The following RASA3 variants were observed in gnomAD, a reference collection of about 807,000 sequenced individuals.
RASA3 encodes RAS p21 protein activator 3.
RASA3 carries 73 observed loss-of-function variants against 110.0 expected under a neutral mutation model. The ratio of observed to expected loss-of-function variants is 0.66; its 90% CI spans 0.55 to 0.81. The LOEUF (loss-of-function observed/expected upper bound fraction) is 0.81, where lower values mean the gene tolerates loss of function less well. Among genes scored for constraint, RASA3 ranks in the 30% least tolerant of loss-of-function variants. The pLI is 0.00. For synonymous variants in RASA3, 500 were observed against 451.4 expected (o/e 1.11, Z -1.37); for missense variants, 976 against 1,113.2 (o/e 0.88, Z 1.75).
At chr13:114,033,449 G>A (rs12017309) in intron 4 of RASA3, among the ~76,000 whole-genome samples, 1,393 of 5,568 alleles carry the variant, frequency 0.25, 45 homozygotes, top group African/African-American at 0.41. Context: ...CACGCCCCAC[G>A]GCACCCCCAC....
At chr13:114,075,549 C>T (rs1448232026) in intron 1 of RASA3, among the ~76,000 whole-genome samples, 11 of 69,816 alleles carry the variant, frequency 1.6e-4, no homozygotes, top group Non-Finnish European at 2.4e-4. Context: ...GCCGGCAGGA[C>T]GAAGCCTCCC....
Position 114,013,180 on chromosome 13 carries a change from G to A in RASA3, c.1474C>T (p.Leu492Phe), listed in dbSNP as rs2053679105. ...GTGAGCTGGAAGAGGTTGGGGGAGAGAATGGCGGGCGCAAAGAACCTCAGG... is the reference window on the plus strand; with the variant it reads ...GTGAGCTGGAAGAGGTTGGGGGAGAAAATGGCGGGCGCAAAGAACCTCAGG... ...IFLRFFAPAILSPNLFQLTPH... is the reference protein window; with the variant it reads ...IFLRFFAPAIFSPNLFQLTPH... The change falls in exon 15 of 24, where the codon CTC (leucine) becomes TTC (phenylalanine). Residue 492 changes from leucine to phenylalanine, a missense_variant. Coordinates refer to ENST00000334062, the MANE Select transcript of RASA3 (RefSeq NM_007368.4). 3.7e-6 allele frequency: 6 copies of A among 1,613,498 alleles called. No individual in the cohort carries two copies. Among genetic ancestry groups the A allele is most frequent in the Non-Finnish European group, 4.2e-6 (5 of 1,179,770 alleles).
At chr13:113,995,534 C>T (rs1566452376) in intron 21 of RASA3, among the ~76,000 whole-genome samples, 1 of 152,212 alleles carries the variant, frequency 6.6e-6, no homozygotes, top group African/African-American at 2.4e-5. Context: ...CCGCCAGGCA[C>T]CCAGGCCTCC....
chr13:114,048,540 C>A lies in RASA3; in HGVS notation c.277+3512G>T, dbSNP rs549105999. 6.6e-6 allele frequency among the ~76,000 whole-genome samples: 1 copy of A among 152,198 alleles called. No homozygotes were observed. The highest frequency in any genetic ancestry group is 6.5e-5 in the Admixed American group (1 of 15,292). On this transcript the variant is annotated intron_variant, in intron 3 of 23. Coordinates refer to ENST00000334062, the MANE Select transcript of RASA3 (RefSeq NM_007368.4). The surrounding 1 kb of genome is among the most constrained non-coding windows in gnomAD (Gnocchi z 4.3). ...CCTGACAGCACCGAGCCGGGCCTCG[C>A]GCATTTCCGTGGTTCCCGCATCCCA...
rs529170928 is a variant in RASA3, at chr13:114,054,306, C to T, written c.174-2151G>A. 6.6e-5 allele frequency among the ~76,000 whole-genome samples: 10 copies of T among 152,304 alleles called. No homozygotes were observed. The East Asian group carries it at 1.3e-3, about 21-fold the overall frequency. ...GCAAAAGATTTGAACACACATATCA[C>T]CAAAGACAAATGGCCAACAATGTAT... On this transcript the variant is annotated intron_variant, in intron 2 of 23. Transcript: ENST00000334062.
chr13:114,092,528 CTT>C (rs1205353792), intron 1 of RASA3, among the ~76,000 whole-genome samples: 1 of 152,048 alleles, frequency 6.6e-6, no homozygotes, highest in Non-Finnish European at 1.5e-5. Context: ...AGAAAAGAGA[CTT>C]GATATAATTT....
At chr13:114,091,222 CCCT>C (rs2079886689) in intron 1 of RASA3, among the ~76,000 whole-genome samples, 1 of 151,956 alleles carries the variant, frequency 6.6e-6, no homozygotes, top group Non-Finnish European at 1.5e-5. Context: ...ACATGGGTCC[CCCT>C]CCACTGTCAT....
intron 2 of RASA3, among the ~76,000 whole-genome samples, chr13:114,068,765 G>C (rs2079501411): frequency 6.6e-6 from 1 of 152,204 alleles, no homozygotes; most frequent in Non-Finnish European, 1.5e-5. Flanking sequence ...TATGGATTGT[G>C]AACACAGTTC....
In RASA3 at chr13:114,013,541, CCTCT is replaced by C. The variant is rs200489109; in HGVS notation, c.1406-297_1406-294del. Among the ~76,000 whole-genome samples the C allele has an allele frequency of 4.9e-3, 723 of 147,018 alleles. 2 individuals carry two copies. The highest frequency in any genetic ancestry group is 0.014 in the African/African-American group (567 of 39,254). On this transcript the variant is annotated intron_variant, in intron 14 of 23. Coordinates refer to ENST00000334062, the MANE Select transcript of RASA3 (RefSeq NM_007368.4). ...TCTCTCTCATCTCTCTGTCTCTCTC[CCTCT>C]CTTTGTCCCTCTGTCTCTCTCCCTA... is the stretch of plus-strand genomic sequence containing the variant.
chr13:113,981,830 G>T lies in RASA3; in HGVS notation c.2274C>A (p.Asp758Glu). The change falls in exon 23 of 24, where the codon GAC becomes GAA. Residue 758 changes from aspartate to glutamate, a missense_variant. By Grantham distance (45) the Asp-to-Glu change is conservative. Coordinates refer to ENST00000334062, the MANE Select transcript of RASA3 (RefSeq NM_007368.4). ...TCGAATACTCCTCCTGCTCCGGGCC[G>T]TCATACACAGATTTGCTCCCACAGG... ...QEACGSKSVY[D>E]GPEQEEYSTF... The T allele has an allele frequency of 6.2e-7, 1 of 1,613,814 alleles. No homozygotes were observed.
chr13:114,008,598 C>G (rs1178378953), intron 17 of RASA3, among the ~76,000 whole-genome samples: 1 of 29,538 alleles, frequency 3.4e-5, no homozygotes, highest in Non-Finnish European at 5.7e-5. Context: ...CAGAGCCCTG[C>G]GGTCTGGACG....
chr13:114,046,098 C>T (rs1328926950), intron 3 of RASA3, among the ~76,000 whole-genome samples: 9 of 152,160 alleles, frequency 5.9e-5, no homozygotes, highest in Admixed American at 5.9e-4. Flanking sequence ...TATGGCAATT[C>T]AAAGCATCTA....
At position 113,981,774 on chromosome 13, in the gene RASA3, T is replaced by C; in HGVS notation, c.2330A>G (p.Tyr777Cys). The change falls in exon 23 of 24, where the codon TAC becomes TGC. Residue 777 changes from tyrosine (Y) to cysteine (C), a missense_variant. Physicochemically the swap from Tyr to Cys is radical, Grantham distance 194. Around this residue, in one of 4 missense-constraint regions of RASA3, gnomAD observed 132 missense variants for 152.8 expected, o/e 0.86. Coordinates refer to ENST00000334062, the MANE Select transcript of RASA3 (RefSeq NM_007368.4). ...TFVIDDPQET[Y>C]KTLKQVIAGV... ...AGCGATGACTTGCTTTAGCGTCTTG[T>C]AGGTCTCCTGGGGGTCGTCAATGAC... is the stretch of plus-strand genomic sequence containing the variant. The C allele has an allele frequency of 6.2e-7, 1 of 1,614,126 alleles. No homozygotes were observed. Among genetic ancestry groups the C allele is most frequent in the Non-Finnish European group, 8.5e-7 (1 of 1,179,992 alleles).
intron 21 of RASA3, among the ~76,000 whole-genome samples, chr13:113,994,612 G>A (rs549863873): frequency 6.6e-6 from 1 of 152,040 alleles, no homozygotes; most frequent in African/African-American, 2.4e-5. Context: ...CACCACCCTG[G>A]GCAACATGGA....
At chr13:114,024,691 C>T (rs559742742) in intron 7 of RASA3, among the ~76,000 whole-genome samples, 12 of 152,348 alleles carry the variant, frequency 7.9e-5, no homozygotes, top group African/African-American at 2.4e-4. Context: ...CCTGCCACCC[C>T]GTGAGGGAGG....
At chr13:114,102,242 G>A (rs562446393) in intron 1 of RASA3, among the ~76,000 whole-genome samples, 10 of 151,860 alleles carry the variant, frequency 6.6e-5, no homozygotes, top group African/African-American at 1.9e-4. Flanking sequence ...GCAGGTGGGC[G>A]GTAGGCGGGC....
intron 12 of RASA3, 55 bp downstream of exon 12, chr13:114,017,182 G>T: frequency 6.7e-7 from 1 of 1,494,134 alleles, no homozygotes; most frequent in Non-Finnish European, 9.3e-7. Context: ...GCCCTCTGTT[G>T]GGGGAAATCC....
rs940399378 is a variant in RASA3, at chr13:113,979,090, G to A, written c.*257C>T. On this transcript the variant is annotated 3_prime_UTR_variant, in exon 24 of 24. Coordinates refer to ENST00000334062, the MANE Select transcript of RASA3 (RefSeq NM_007368.4). ...TTCCTGATCCTTCAGCTGATCCCCA[G>A]ATCCCCACAAACAAGGAGCAAAAAG... is the stretch of plus-strand genomic sequence containing the variant. 82 of 515,580 alleles carry A rather than the reference G, an allele frequency of 1.6e-4. No individual in the cohort carries two copies. The highest frequency in any genetic ancestry group is 1.1e-3 in the African/African-American group (60 of 52,224). The allele number at this position is 515,580 out of a possible 1,614,324, so 31.9% of individuals were successfully genotyped here.
chr13:114,079,506 A>C (rs944530073), intron 1 of RASA3, among the ~76,000 whole-genome samples: 1 of 152,226 alleles, frequency 6.6e-6, no homozygotes. Context: ...TCTTCTAACA[A>C]CATAAAGTAT....
Sources: allele counts gnomAD v4.1 joint callset (sites outside exome capture counted in the v4.1 genomes callset), GRCh38; gene constraint gnomAD v4.1.1; regional missense constraint gnomAD v4.1.1; non-coding constraint Gnocchi (gnomAD v3.1); transcripts MANE v1.5; gene names NCBI Gene and HGNC (gene_info 2026-07-23, HGNC 2026-07-21).